Variants in VRK2 observed in about 807,000 individuals in gnomAD.
VRK2 encodes serine/threonine-protein kinase VRK2.
Under a neutral mutation model 57.6 loss-of-function variants are expected in VRK2, and 60 were observed. The ratio of observed to expected loss-of-function variants is 1.04; its 90% CI spans 0.85 to 1.29. The LOEUF (loss-of-function observed/expected upper bound fraction) is 1.29, where lower values mean the gene tolerates loss of function less well. Ranked by LOEUF, VRK2 falls within the 50% of genes most tolerant of loss-of-function variation. The pLI is 0.00. For synonymous variants in VRK2, 231 were observed against 199.2 expected, an observed-to-expected ratio of 1.16 and a Z score of -1.35; for missense variants, 705 against 588.1, an observed-to-expected ratio of 1.20 and a Z score of -2.06.
intron 2 of VRK2, among the ~76,000 whole-genome samples, chr2:58,063,241 G>GTTTTTTTTTTT (rs780317845): frequency 8.2e-6 from 1 of 121,686 alleles, no homozygotes; most frequent in African/African-American, 2.8e-5. Flanking sequence ...TCACAGTTTT[G>GTTTTTTTTTTT]TTTTTTTTTT....
chr2:57,921,665 G>T (rs905378779), intron 1 of VRK2, among the ~76,000 whole-genome samples: 7 of 152,084 alleles, frequency 4.6e-5, no homozygotes, highest in African/African-American at 1.7e-4. Context: ...GCAATTTGAA[G>T]CAACTGCTAG....
intron 2 of VRK2, among the ~76,000 whole-genome samples, chr2:58,052,984 T>G (rs1675981196): frequency 6.6e-6 from 1 of 152,220 alleles, no homozygotes; most frequent in East Asian, 1.9e-4. Context: ...TTTAGTTTTT[T>G]GAAGGTGGCA....
intron 7 of VRK2, among the ~76,000 whole-genome samples, chr2:58,095,402 T>C (rs1025556060): frequency 2.0e-5 from 3 of 152,160 alleles, no homozygotes; most frequent in African/African-American, 7.2e-5. Flanking sequence ...GATGTTCATA[T>C]ATGAACAAGG....
chr2:57,992,489 G>A (rs72949105), intron 1 of VRK2, among the ~76,000 whole-genome samples: 1,782 of 152,008 alleles, frequency 0.012, 52 homozygotes, highest in African/African-American at 0.041. Flanking sequence ...TTAAACATGA[G>A]AAATAATGAA....
intron 1 of VRK2, among the ~76,000 whole-genome samples, chr2:57,957,315 C>T (rs945821884): frequency 3.9e-5 from 6 of 152,060 alleles, no homozygotes; most frequent in African/African-American, 7.2e-5. Context: ...ATAAGTACCA[C>T]GTAGCTCATA....
At chr2:58,034,881 A>C (rs11898024) in intron 3 of VRK2, among the ~76,000 whole-genome samples, 27,209 of 151,846 alleles carry the variant, frequency 0.18, 3,917 homozygotes, top group African/African-American at 0.4. Flanking sequence ...TCACTCTTGG[A>C]TTCAGTGGTG....
At chr2:58,064,973 A>G (rs1298796964) in intron 2 of VRK2, among the ~76,000 whole-genome samples, 2 of 151,998 alleles carry the variant, frequency 1.3e-5, no homozygotes, top group African/African-American at 4.8e-5. Context: ...TCATTTCTGC[A>G]TATTCAGTTT....
chr2:58,119,431 C>A (rs997919991), intron 7 of VRK2, among the ~76,000 whole-genome samples: 4 of 145,982 alleles, frequency 2.7e-5, no homozygotes, highest in African/African-American at 1.0e-4. Context: ...GAGCCGAGAT[C>A]GCGCCACTGC....
At chr2:57,995,530 T>C (rs1672897467) in intron 1 of VRK2, among the ~76,000 whole-genome samples, 3 of 152,198 alleles carry the variant, frequency 2.0e-5, no homozygotes, top group Admixed American at 1.3e-4. Context: ...TTCTACATCA[T>C]CACAGTTTGT....
At chr2:57,959,298 T>A (rs958008209) in intron 1 of VRK2, among the ~76,000 whole-genome samples, 3 of 152,112 alleles carry the variant, frequency 2.0e-5, no homozygotes, top group African/African-American at 7.2e-5. Context: ...TTCGGAAACA[T>A]GTGAGGAAAT....
At chr2:58,102,381 T>A (rs989115255) in intron 7 of VRK2, among the ~76,000 whole-genome samples, 1 of 150,606 alleles carries the variant, frequency 6.6e-6, no homozygotes, top group African/African-American at 2.4e-5. Context: ...AAGACACTTA[T>A]AGATTGAAGG....
intron 1 of VRK2, among the ~76,000 whole-genome samples, chr2:57,943,526 T>C (rs936159685): frequency 6.6e-6 from 1 of 152,176 alleles, no homozygotes; most frequent in South Asian, 2.1e-4. Context: ...GGCACTTCCC[T>C]AAGGACAAAG....
intron 1 of VRK2, among the ~76,000 whole-genome samples, chr2:58,021,321 A>T (rs931610788): frequency 6.6e-6 from 1 of 151,944 alleles, no homozygotes. Flanking sequence ...GTGTGTATGG[A>T]CTCCAAATTA....
intron 1 of VRK2, among the ~76,000 whole-genome samples, chr2:58,021,227 G>T (rs1001994316): frequency 6.6e-6 from 1 of 152,070 alleles, no homozygotes; most frequent in Admixed American, 6.5e-5. Context: ...CAGTACAAAT[G>T]AGTGAAAAAT....
rs867886587 is a variant in VRK2, at chr2:58,120,189, T to C, written c.544-2912T>C. Among the ~76,000 whole-genome samples, 33 of 113,058 alleles carry C rather than the reference T, an allele frequency of 2.9e-4. No individual in the cohort carries two copies. In the East Asian group the frequency reaches 4.0e-3, roughly 14 times the overall value. The allele number at this position is 113,058 out of a possible 152,430, so 74.2% of individuals were successfully genotyped here. ...TGTCTATTTTTTTTTCTTTTCTTTT[T>C]TTTTTTTTTTTTTTTTTTTGAGACA... is the stretch of plus-strand genomic sequence containing the variant. On this transcript the variant is annotated intron_variant, in intron 7 of 12. Transcript: ENST00000340157.
rs1466932109 is a variant in VRK2 at position 58,146,424 on chromosome 2, G to A, written c.1132G>A (p.Val378Met). 6.2e-7 allele frequency: 1 copy of A among 1,611,706 alleles called. No individual in the cohort carries two copies. Among genetic ancestry groups the A allele is most frequent in the Non-Finnish European group, 8.5e-7 (1 of 1,178,424 alleles). ...RSAESCATWK[V>M]QKEEKLIGLM... Reference sequence around the variant, plus strand: ...CGCTGAGTCCTGTGCAACATGGAAAGTGCAGAAAGAGGAGAAACTGATTGG... The same window carrying A: ...CGCTGAGTCCTGTGCAACATGGAAAATGCAGAAAGAGGAGAAACTGATTGG... The change falls in exon 12 of 13, where the codon GTG (valine) becomes ATG (methionine). Residue 378 changes from valine (V) to methionine (M), a missense_variant. Transcript: ENST00000340157.
chr2:58,103,584 G>A (rs1558639697), intron 7 of VRK2, among the ~76,000 whole-genome samples: 1 of 151,308 alleles, frequency 6.6e-6, no homozygotes, highest in African/African-American at 2.4e-5. Flanking sequence ...CGAAAGTAGC[G>A]AGATAGAATC....
At chr2:58,002,035 C>T (rs377535044) in intron 1 of VRK2, among the ~76,000 whole-genome samples, 3 of 151,988 alleles carry the variant, frequency 2.0e-5, no homozygotes, top group East Asian at 1.9e-4. Flanking sequence ...GAATTCCTAC[C>T]GTATTTCACA....
At chr2:58,093,515 G>GT (rs1672674359) in intron 7 of VRK2, among the ~76,000 whole-genome samples, 1 of 151,920 alleles carries the variant, frequency 6.6e-6, no homozygotes, top group African/African-American at 2.4e-5. Flanking sequence ...GGGGTTGTTT[G>GT]TTTTTTTCTT....
Sources: allele counts gnomAD v4.1 joint callset (sites outside exome capture counted in the v4.1 genomes callset), GRCh38; gene constraint gnomAD v4.1.1; transcripts MANE v1.5; gene names NCBI Gene and HGNC (gene_info 2026-07-23, HGNC 2026-07-21).